The following ATG10 variants were observed in gnomAD, a reference collection of about 807,000 sequenced individuals.
ATG10 encodes the protein autophagy related 10.
Under a neutral mutation model 32.1 loss-of-function variants are expected in ATG10, and 30 were observed. The ratio of observed to expected loss-of-function variants is 0.94; its 90% CI spans 0.70 to 1.27. ATG10 has a LOEUF of 1.27. ATG10 is among the 50% of genes most tolerant of loss of function. The pLI, the probability that ATG10 is intolerant of heterozygous loss-of-function variation, is 0.00. For missense variants in ATG10, 233 were observed against 262.3 expected, an observed-to-expected ratio of 0.89 and a Z score of 0.77; for synonymous variants, 87 against 91.5, an observed-to-expected ratio of 0.95 and a Z score of 0.28.
chr5:82,232,991 G>C (rs1263427305), intron 5 of ATG10, among the ~76,000 whole-genome samples: 2 of 151,806 alleles, frequency 1.3e-5, no homozygotes, highest in East Asian at 3.9e-4. Context: ...CCCTTCTAAT[G>C]GTCTTTACTC....
intron 5 of ATG10, among the ~76,000 whole-genome samples, chr5:82,200,864 A>ATTTAT (rs1745043877): frequency 7.0e-6 from 1 of 143,154 alleles, no homozygotes; most frequent in African/African-American, 2.6e-5. Flanking sequence ...TTAAAAATAC[A>ATTTAT]TTATTTATTT....
At chr5:82,080,586 G>A (rs1581668499) in intron 3 of ATG10, among the ~76,000 whole-genome samples, 1 of 152,204 alleles carries the variant, frequency 6.6e-6, no homozygotes, top group Non-Finnish European at 1.5e-5. Context: ...TATATGGCTA[G>A]CCAGTTTTCC....
At chr5:82,125,853 A>C (rs2149834496) in intron 3 of ATG10, among the ~76,000 whole-genome samples, 1 of 152,262 alleles carries the variant, frequency 6.6e-6, no homozygotes, top group East Asian at 1.9e-4. Flanking sequence ...TGAATCTATA[A>C]ATTAGTTTGG....
chr5:82,158,794 A>G (rs116539995), intron 3 of ATG10, among the ~76,000 whole-genome samples: 1,882 of 152,270 alleles, frequency 0.012, 33 homozygotes, highest in African/African-American at 0.039. Context: ...CAGTCCAAAT[A>G]AAGCATAGTA....
intron 3 of ATG10, among the ~76,000 whole-genome samples, chr5:82,156,482 C>G (rs541053387): frequency 3.3e-5 from 5 of 152,228 alleles, no homozygotes; most frequent in Admixed American, 2.0e-4. Flanking sequence ...GAACCCTGGA[C>G]TTGGAGCCTG....
intron 2 of ATG10, among the ~76,000 whole-genome samples, chr5:82,048,925 T>C (rs1196328523): frequency 2.0e-5 from 3 of 151,498 alleles, no homozygotes; most frequent in East Asian, 3.9e-4. Context: ...TGTGGAGAAA[T>C]AGGAACACTT....
At chr5:82,076,305 T>G (rs1764271572) in intron 3 of ATG10, among the ~76,000 whole-genome samples, 1 of 152,206 alleles carries the variant, frequency 6.6e-6, no homozygotes, top group Non-Finnish European at 1.5e-5. Context: ...TTAGGTCTTC[T>G]TCATTATGGG....
chr5:82,195,773 C>CCAT (rs1744830258), intron 5 of ATG10, among the ~76,000 whole-genome samples: 2 of 152,116 alleles, frequency 1.3e-5, no homozygotes, highest in African/African-American at 4.8e-5. Context: ...TTTTGTTTAT[C>CCAT]CATTCATCAG....
At chr5:82,227,288 C>T (rs959060373) in intron 5 of ATG10, among the ~76,000 whole-genome samples, 34 of 152,078 alleles carry the variant, frequency 2.2e-4, no homozygotes, top group Admixed American at 1.9e-3. Flanking sequence ...TTAGCCAGGG[C>T]ACTGAAAAAG....
In ATG10 at chr5:82,033,757, CACAT is replaced by C. The variant is rs1245635437; in HGVS notation, c.109-24736_109-24733del. ...ACACACACACACACACACACACACA[CACAT>C]ATGTGTGTATATATACGTGTATGTT... On this transcript the variant is annotated intron_variant, in intron 2 of 7. Coordinates refer to ENST00000282185, the MANE Select transcript of ATG10 (RefSeq NM_031482.5). Among the ~76,000 whole-genome samples, 83 of 139,056 alleles carry C rather than the reference CACAT, an allele frequency of 6.0e-4. 1 individual carries two copies. The South Asian group carries it at 0.01, about 17-fold the overall frequency. 91.2% of individuals were successfully genotyped at this position (139,056 alleles called of 152,430 possible).
intron 5 of ATG10, among the ~76,000 whole-genome samples, chr5:82,199,020 T>C (rs774039121): frequency 6.6e-6 from 1 of 152,240 alleles, no homozygotes; most frequent in Non-Finnish European, 1.5e-5. Context: ...CTTCTGATCA[T>C]TTATCTCAGC....
chr5:81,974,894 TC>T (rs1470566573), intron 1 of ATG10, among the ~76,000 whole-genome samples: 1 of 152,222 alleles, frequency 6.6e-6, no homozygotes, highest in Non-Finnish European at 1.5e-5. Flanking sequence ...TTCAATCTGT[TC>T]CAAGGTTCAC....
At chr5:82,151,614 G>T (rs990699541) in intron 3 of ATG10, among the ~76,000 whole-genome samples, 3 of 125,204 alleles carry the variant, frequency 2.4e-5, no homozygotes, top group African/African-American at 9.2e-5. Context: ...TTCCTGCAAA[G>T]AATCCCTGGA....
At chr5:82,051,534 C>G (rs1336052365) in intron 2 of ATG10, among the ~76,000 whole-genome samples, 1 of 152,132 alleles carries the variant, frequency 6.6e-6, no homozygotes, top group East Asian at 1.9e-4. Flanking sequence ...TCTAAATGAG[C>G]CAGAGGCTAG....
chr5:82,093,814 T>C (rs940036778), intron 3 of ATG10, among the ~76,000 whole-genome samples: 3 of 152,122 alleles, frequency 2.0e-5, no homozygotes, highest in Non-Finnish European at 4.4e-5. Context: ...AGTTGTGCTG[T>C]TAAGTTTTTG....
At chr5:82,109,167 T>G (rs1328016007) in intron 3 of ATG10, among the ~76,000 whole-genome samples, 1 of 151,622 alleles carries the variant, frequency 6.6e-6, no homozygotes, top group Admixed American at 6.6e-5. Flanking sequence ...GAGATGAGAG[T>G]GGTCAGGGGA....
At chr5:82,042,905 C>T (rs574513379) in intron 2 of ATG10, among the ~76,000 whole-genome samples, 1 of 152,260 alleles carries the variant, frequency 6.6e-6, no homozygotes, top group Non-Finnish European at 1.5e-5. Flanking sequence ...TGAGTGCCTA[C>T]AGCTTTTCCA....
At chr5:82,065,452 A>G (rs1376533582) in intron 3 of ATG10, among the ~76,000 whole-genome samples, 2 of 152,016 alleles carry the variant, frequency 1.3e-5, no homozygotes, top group African/African-American at 4.8e-5. Flanking sequence ...ACTGCACTCC[A>G]GCCTGGGCGA....
At chr5:82,184,359 A>G (rs1347122337) in intron 5 of ATG10, among the ~76,000 whole-genome samples, 1 of 152,182 alleles carries the variant, frequency 6.6e-6, no homozygotes, top group African/African-American at 2.4e-5. Context: ...AATCATAATC[A>G]TTATTATTTT....
Sources: allele counts gnomAD v4.1 joint callset (sites outside exome capture counted in the v4.1 genomes callset), GRCh38; gene constraint gnomAD v4.1.1; transcripts MANE v1.5; gene names NCBI Gene and HGNC (gene_info 2026-07-23, HGNC 2026-07-21).